KCNT2: variants seen among roughly 807,000 people sequenced by gnomAD.
KCNT2 encodes potassium channel subfamily T member 2.
KCNT2 carries 67 observed loss-of-function variants against 153.8 expected under a neutral mutation model. The ratio of observed to expected loss-of-function variants is 0.44; its 90% confidence interval spans 0.36 to 0.53. The LOEUF (loss-of-function observed/expected upper bound fraction) is 0.53, where lower values mean the gene tolerates loss of function less well. Ranked by LOEUF, KCNT2 falls within the 20% of genes least tolerant of loss-of-function variation. The pLI is 0.00. For synonymous variants in KCNT2, 500 were observed against 458.8 expected (o/e 1.09, Z -1.15); for missense variants, 975 against 1,354.8 (o/e 0.72, Z 4.40).
chr1:196,381,364 T>C lies in KCNT2; in HGVS notation c.1295-8116A>G, dbSNP rs541554007. ...TTTCTTTAGGTTCTAACCAAGAGTA[T>C]ACTTTATCAGCTTCTGATAGTATCG... On this transcript the variant is annotated intron_variant, in intron 13 of 27. Transcript: ENST00000294725. 3.3e-5 allele frequency among the ~76,000 whole-genome samples: 5 copies of C among 152,126 alleles called. No homozygotes were observed. The East Asian group carries it at 9.7e-4, about 29-fold the overall frequency.
chr1:196,498,855 T>C (rs1680456699), intron 1 of KCNT2, among the ~76,000 whole-genome samples: 1 of 152,184 alleles, frequency 6.6e-6, no homozygotes, highest in South Asian at 2.1e-4. Context: ...TTTACTCCTA[T>C]TTTTTCTAAG....
chr1:196,333,122 A>C (rs991913527), intron 17 of KCNT2, among the ~76,000 whole-genome samples: 3 of 143,156 alleles, frequency 2.1e-5, no homozygotes, highest in Admixed American at 7.0e-5. Flanking sequence ...TTGTTTGTTT[A>C]ATTAAAGTCA....
At chr1:196,366,626 C>T (rs1387476424) in intron 14 of KCNT2, among the ~76,000 whole-genome samples, 1 of 152,130 alleles carries the variant, frequency 6.6e-6, no homozygotes, top group Non-Finnish European at 1.5e-5. Context: ...CATACAATGA[C>T]TGTATCATTT....
chr1:196,315,464 G>C (rs2148017798), intron 21 of KCNT2, among the ~76,000 whole-genome samples: 1 of 151,786 alleles, frequency 6.6e-6, no homozygotes, highest in African/African-American at 2.4e-5. Flanking sequence ...ATGATGTCAT[G>C]ACTTTGCTCC....
At chr1:196,342,636 C>T (rs933056980) in intron 14 of KCNT2, among the ~76,000 whole-genome samples, 11 of 151,370 alleles carry the variant, frequency 7.3e-5, no homozygotes, top group Non-Finnish European at 1.2e-4. Flanking sequence ...ATATGGCCAA[C>T]GTTATCTTAC....
At chr1:196,285,005 G>T (rs567118105) in intron 23 of KCNT2, among the ~76,000 whole-genome samples, 1 of 152,222 alleles carries the variant, frequency 6.6e-6, no homozygotes. Context: ...TTTAGAGATT[G>T]TCTGATTACT....
Position 196,305,329 on chromosome 1 carries a change from T to C in KCNT2, c.2500A>G (p.Ser834Gly). Residue 834 changes from serine (S) to glycine (G), a missense_variant, in exon 22 of 28, where the codon AGT (serine) becomes GGT (glycine). Around this residue, in one of 6 missense-constraint regions of KCNT2, gnomAD observed 66 missense variants for 147.9 expected, o/e 0.45. Transcript: ENST00000294725. ...QTLFRLFSSL[S>G]IITELTHPAN... ...GGGTGAGTTAGCTCTGTGATAATAC[T>C]GAGACTGGAAAACAACCTACATTTC... 6.2e-7 allele frequency: 1 copy of C among 1,603,048 alleles called. No individual in the cohort carries two copies.
At chr1:196,469,213 CT>C (rs1677875249) in intron 5 of KCNT2, 145 bp from the exon 6 acceptor site, 1 of 520,082 alleles carries the variant, frequency 1.9e-6, no homozygotes, top group Non-Finnish European at 3.5e-6. Context: ...GTAGCAATGA[CT>C]TTTAGAGATT....
intron 19 of KCNT2, among the ~76,000 whole-genome samples, chr1:196,323,689 T>C (rs1663557325): frequency 6.6e-6 from 1 of 151,962 alleles, no homozygotes; most frequent in African/African-American, 2.4e-5. Context: ...GCTTATTACA[T>C]CTGCTATTAT....
At chr1:196,442,999 TA>T (rs1472342523) in intron 8 of KCNT2, among the ~76,000 whole-genome samples, 2 of 151,576 alleles carry the variant, frequency 1.3e-5, no homozygotes, top group Non-Finnish European at 3.0e-5. Flanking sequence ...ATCATTTAGA[TA>T]AATAAGGTGG....
At chr1:196,230,365 C>G (rs1356876792) in intron 27 of KCNT2, among the ~76,000 whole-genome samples, 1 of 151,966 alleles carries the variant, frequency 6.6e-6, no homozygotes, top group East Asian at 1.9e-4. Flanking sequence ...AATGTTAGGC[C>G]CATTGTTGAG....
chr1:196,426,136 A>G (rs769486278), intron 10 of KCNT2, 148 bp from the exon 11 acceptor site: 8 of 605,868 alleles, frequency 1.3e-5, no homozygotes, highest in Admixed American at 3.0e-5. Context: ...AAACCTGGAC[A>G]TATATTAAAT....
At chr1:196,479,433 T>C (rs1020129480) in intron 4 of KCNT2, among the ~76,000 whole-genome samples, 195 bp from the exon 5 acceptor site, 4 of 152,250 alleles carry the variant, frequency 2.6e-5, no homozygotes, top group African/African-American at 9.6e-5. Flanking sequence ...TCTCCTGTAC[T>C]ACATCTTAGT....
chr1:196,395,179 A>G (rs960225136), intron 13 of KCNT2, among the ~76,000 whole-genome samples: 2 of 151,450 alleles, frequency 1.3e-5, no homozygotes, highest in East Asian at 3.9e-4. Context: ...ATTTTATATA[A>G]TTTTTCAACT....
chr1:196,504,027 G>A (rs962376756), intron 1 of KCNT2, among the ~76,000 whole-genome samples: 4 of 152,120 alleles, frequency 2.6e-5, no homozygotes, highest in Admixed American at 2.6e-4. Context: ...AGGAAGAAGG[G>A]AAAATGGTCA....
chr1:196,537,297 T>C (rs939046252), intron 1 of KCNT2, among the ~76,000 whole-genome samples: 2 of 152,168 alleles, frequency 1.3e-5, no homozygotes, highest in Non-Finnish European at 2.9e-5. Context: ...TGAAAGTCCA[T>C]TGTCTCTCTC....
intron 8 of KCNT2, among the ~76,000 whole-genome samples, chr1:196,449,218 T>C (rs939070377): frequency 2.0e-5 from 3 of 151,700 alleles, no homozygotes; most frequent in African/African-American, 7.2e-5. Context: ...TTTTCCACCT[T>C]CACAGTAGGC....
intron 1 of KCNT2, among the ~76,000 whole-genome samples, chr1:196,539,313 G>A (rs1656026523): frequency 6.6e-6 from 1 of 152,096 alleles, no homozygotes. Context: ...CATTGCATGG[G>A]CTGCTGGGAA....
chr1:196,289,817 TG>T (rs576775959), intron 22 of KCNT2, among the ~76,000 whole-genome samples: 88 of 152,230 alleles, frequency 5.8e-4, no homozygotes, highest in Admixed American at 2.6e-3. Flanking sequence ...TGAATTCAAT[TG>T]AAGTTTTACT....
Sources: allele counts gnomAD v4.1 joint callset (sites outside exome capture counted in the v4.1 genomes callset), GRCh38; gene constraint gnomAD v4.1.1; regional missense constraint gnomAD v4.1.1; transcripts MANE v1.5; gene names NCBI Gene and HGNC (gene_info 2026-07-23, HGNC 2026-07-21).